Variants in ATXN1 observed in about 807,000 individuals in gnomAD.
ATXN1 encodes the protein ataxin-1.
In ATXN1, 8 loss-of-function variants were observed where a neutral mutation model predicts 56.4. The ratio of observed to expected loss-of-function variants is 0.14; its 90% CI spans 0.08 to 0.26. The LOEUF is 0.26. ATXN1 is among the 10% of genes least tolerant of loss of function. ATXN1 has a pLI of 1.00. For missense variants in ATXN1, 987 were observed against 1,106.5 expected (o/e 0.89, Z 1.53); for synonymous variants, 514 against 494.6 (o/e 1.04, Z -0.52).
intron 6 of ATXN1, among the ~76,000 whole-genome samples, chr6:16,378,086 A>G (rs749419247): frequency 7.9e-5 from 12 of 152,006 alleles, no homozygotes; most frequent in Non-Finnish European, 1.6e-4. Context: ...GCCCACCACA[A>G]CCTGTGTGCA....
At chr6:16,317,491 A>AT (rs960114191) in intron 7 of ATXN1, among the ~76,000 whole-genome samples, 1 of 151,920 alleles carries the variant, frequency 6.6e-6, no homozygotes, top group Admixed American at 6.6e-5. Flanking sequence ...CACCAGGCTA[A>AT]TTTTTTTGTA....
rs916922144 is a variant in ATXN1 at position 16,328,753 on chromosome 6, A to G, written c.-160-283T>C. 1.3e-5 allele frequency among the ~76,000 whole-genome samples: 2 copies of G among 152,132 alleles called. No individual in the cohort carries two copies. Among genetic ancestry groups the G allele is most frequent in the Admixed American group, 6.5e-5 (1 of 15,278 alleles). Reference sequence around the variant, plus strand: ...GTGAAACCCCGTCTCTACCAAAAATAAAAAATAAAAAACAAATTTAGCCTG... The same window carrying G: ...GTGAAACCCCGTCTCTACCAAAAATGAAAAATAAAAAACAAATTTAGCCTG... On this transcript the variant is annotated intron_variant, in intron 6 of 7. Coordinates refer to ENST00000436367, the MANE Select transcript of ATXN1 (RefSeq NM_001128164.2). This position sits in a 1 kb window ranked among gnomAD's most constrained non-coding sequence, Gnocchi z 6.2.
chr6:16,471,330 G>A (rs559607703), intron 6 of ATXN1, among the ~76,000 whole-genome samples: 1 of 152,250 alleles, frequency 6.6e-6, no homozygotes, highest in Non-Finnish European at 1.5e-5. Flanking sequence ...TGAATTTTCA[G>A]TGTCATCCTG....
At chr6:16,468,248 C>T (rs1237960432) in intron 6 of ATXN1, among the ~76,000 whole-genome samples, 2 of 152,286 alleles carry the variant, frequency 1.3e-5, no homozygotes, top group East Asian at 1.9e-4. Context: ...TGCAGTGGCA[C>T]GATCTTGGCT....
At chr6:16,458,034 C>G (rs1369676850) in intron 6 of ATXN1, among the ~76,000 whole-genome samples, 4 of 152,202 alleles carry the variant, frequency 2.6e-5, no homozygotes, top group Non-Finnish European at 4.4e-5. Context: ...TTCGACCTCA[C>G]TTGGAGAGAT....
intron 6 of ATXN1, among the ~76,000 whole-genome samples, chr6:16,348,216 G>A (rs1018998523): frequency 4.6e-5 from 7 of 152,084 alleles, no homozygotes; most frequent in South Asian, 2.1e-4. Flanking sequence ...GACTTGTGCC[G>A]CCACATCTAG....
chr6:16,363,472 A>C (rs1233147589), intron 6 of ATXN1, among the ~76,000 whole-genome samples: 1 of 152,220 alleles, frequency 6.6e-6, no homozygotes, highest in Non-Finnish European at 1.5e-5. Flanking sequence ...TTCCACTAAG[A>C]GTAAATAAAG....
intron 6 of ATXN1, among the ~76,000 whole-genome samples, chr6:16,361,540 TA>T (rs1242945488): frequency 1.3e-5 from 2 of 152,116 alleles, no homozygotes; most frequent in Non-Finnish European, 2.9e-5. Context: ...GATTATATGC[TA>T]AAAAAACGTA....
At chr6:16,551,591 T>C (rs1177605312) in intron 4 of ATXN1, among the ~76,000 whole-genome samples, 1 of 152,180 alleles carries the variant, frequency 6.6e-6, no homozygotes, top group African/African-American at 2.4e-5. Context: ...GTTGATTCTG[T>C]AAAATCTGAG....
At chr6:16,623,280 CCTAA>C (rs1373057424) in intron 3 of ATXN1, among the ~76,000 whole-genome samples, 2 of 152,094 alleles carry the variant, frequency 1.3e-5, no homozygotes, top group Non-Finnish European at 2.9e-5. Flanking sequence ...CTGGATAATA[CCTAA>C]CTGTCTTTCT....
chr6:16,683,031 C>A (rs1015349395), intron 2 of ATXN1, among the ~76,000 whole-genome samples: 1 of 152,120 alleles, frequency 6.6e-6, no homozygotes, highest in Non-Finnish European at 1.5e-5. Flanking sequence ...AAGCCTTGAC[C>A]GCCAAAACCA....
In ATXN1 at chr6:16,328,531, G is replaced by C; in HGVS notation, c.-160-61C>G. The C allele has an allele frequency of 1.3e-6, 1 of 776,878 alleles. No individual in the cohort carries two copies. Among genetic ancestry groups the C allele is most frequent in the Non-Finnish European group, 1.8e-6 (1 of 557,460 alleles). 48.1% of individuals were successfully genotyped at this position (776,878 alleles called of 1,614,324 possible). A position where few individuals can be genotyped will look rare whatever the true frequency, so the allele number is the denominator to read the frequency against. ...GGAAAGGGAGGAGAAAGGGAAGGAG[G>C]GAAAGGACATCAGAACATGAGCACC... is the stretch of plus-strand genomic sequence containing the variant. On this transcript the variant is annotated intron_variant, in intron 6 of 7. Transcript: ENST00000436367. This position sits in a 1 kb window ranked among gnomAD's most constrained non-coding sequence, Gnocchi z 6.2.
chr6:16,694,912 G>A (rs886105369), intron 2 of ATXN1, among the ~76,000 whole-genome samples: 4 of 152,174 alleles, frequency 2.6e-5, no homozygotes, highest in African/African-American at 9.7e-5. Flanking sequence ...GTTCTTGGTT[G>A]CGTACTCTAC....
At chr6:16,759,404 G>C (rs1328929561) in intron 1 of ATXN1, among the ~76,000 whole-genome samples, 2 of 152,092 alleles carry the variant, frequency 1.3e-5, no homozygotes, top group Non-Finnish European at 2.9e-5. Context: ...GGGAAGCTAA[G>C]AATCTCTTCG....
chr6:16,367,851 C>T (rs753798196), intron 6 of ATXN1, among the ~76,000 whole-genome samples: 4 of 152,078 alleles, frequency 2.6e-5, no homozygotes, highest in Non-Finnish European at 5.9e-5. Context: ...GTAGGTCCTT[C>T]GTCTCTTCCT....
At chr6:16,520,632 A>T (rs2113694407) in intron 5 of ATXN1, among the ~76,000 whole-genome samples, 1 of 152,168 alleles carries the variant, frequency 6.6e-6, no homozygotes, top group African/African-American at 2.4e-5. Flanking sequence ...TAATCTCTTG[A>T]CTCTAAAGAG....
chr6:16,316,829 A>C (rs1186028692), intron 7 of ATXN1, among the ~76,000 whole-genome samples: 1 of 148,556 alleles, frequency 6.7e-6, no homozygotes, highest in Non-Finnish European at 1.5e-5. Context: ...GCAATGGTAC[A>C]AGTGGACAAC....
intron 4 of ATXN1, among the ~76,000 whole-genome samples, chr6:16,555,227 TC>T (rs1341625355): frequency 3.9e-4 from 60 of 152,268 alleles, no homozygotes; most frequent in African/African-American, 1.3e-3. Context: ...ACTCTTTCCA[TC>T]CCTTGCTTCC....
At chr6:16,597,243 G>A (rs1197706829) in intron 3 of ATXN1, among the ~76,000 whole-genome samples, 5 of 152,188 alleles carry the variant, frequency 3.3e-5, no homozygotes, top group Admixed American at 6.5e-5. Flanking sequence ...CTCGTCAGCC[G>A]CAAGAATCTC....
Sources: allele counts gnomAD v4.1 joint callset (sites outside exome capture counted in the v4.1 genomes callset), GRCh38; gene constraint gnomAD v4.1.1; non-coding constraint Gnocchi (gnomAD v3.1); transcripts MANE v1.5; gene names NCBI Gene and HGNC (gene_info 2026-07-23, HGNC 2026-07-21).